The following SLCO1B1 variants were observed in gnomAD, a reference collection of about 807,000 sequenced individuals.
The protein encoded by SLCO1B1 is OATP-2.
In SLCO1B1, 81 loss-of-function variants were observed where a neutral mutation model predicts 70.1. The observed-to-expected ratio is 1.16, with a 90% CI of 0.97 to 1.39. The LOEUF is 1.39. Ranked by LOEUF, SLCO1B1 falls within the 40% of genes most tolerant of loss-of-function variation. The probability of loss-of-function intolerance (pLI) is 0.00; values close to 1 mark genes in which losing one functional copy is unlikely to be tolerated. For missense variants in SLCO1B1, 895 were observed against 799.6 expected, an observed-to-expected ratio of 1.12 and a Z score of -1.44; for synonymous variants, 283 against 271.5, an observed-to-expected ratio of 1.04 and a Z score of -0.42.
chr12:21,217,714 C>G (rs1030901104), intron 12 of SLCO1B1, among the ~76,000 whole-genome samples: 2 of 152,086 alleles, frequency 1.3e-5, no homozygotes, highest in Non-Finnish European at 2.9e-5. Flanking sequence ...ATAAAATATG[C>G]TCCATTTGAT....
At chr12:21,168,449 T>C (rs1940717791) in intron 2 of SLCO1B1, among the ~76,000 whole-genome samples, 1 of 152,222 alleles carries the variant, frequency 6.6e-6, no homozygotes, top group South Asian at 2.1e-4. Flanking sequence ...ATGGTGATTC[T>C]ATTGTTTAGT....
intron 7 of SLCO1B1, among the ~76,000 whole-genome samples, chr12:21,186,562 C>A (rs903170162): frequency 6.6e-6 from 1 of 151,860 alleles, no homozygotes; most frequent in African/African-American, 2.4e-5. Flanking sequence ...AAAGTCACGA[C>A]ATTACAAGAA....
intron 5 of SLCO1B1, among the ~76,000 whole-genome samples, chr12:21,178,080 A>G (rs1000650096): frequency 2.0e-5 from 3 of 152,172 alleles, no homozygotes; most frequent in South Asian, 4.1e-4. Context: ...ATATGGCTTG[A>G]CTGTGTCCCC....
intron 14 of SLCO1B1, among the ~76,000 whole-genome samples, chr12:21,231,644 C>G (rs1466160175): frequency 2.6e-5 from 4 of 151,814 alleles, no homozygotes; most frequent in Non-Finnish European, 4.4e-5. Flanking sequence ...TAGATATATA[C>G]ACACACAGAC....
intron 10 of SLCO1B1, among the ~76,000 whole-genome samples, chr12:21,203,765 A>T (rs1941183385): frequency 6.6e-6 from 1 of 152,012 alleles, no homozygotes; most frequent in African/African-American, 2.4e-5. Flanking sequence ...CTTAGAGATG[A>T]TGCAATCCAA....
At chr12:21,133,154 A>T (rs1382773746) in intron 1 of SLCO1B1, among the ~76,000 whole-genome samples, 3 of 152,030 alleles carry the variant, frequency 2.0e-5, no homozygotes, top group Non-Finnish European at 2.9e-5. Context: ...GATATGCGGC[A>T]CTATTTCTGA....
chr12:21,132,801 T>C (rs1242295246), intron 1 of SLCO1B1, among the ~76,000 whole-genome samples: 2 of 152,222 alleles, frequency 1.3e-5, no homozygotes, highest in Admixed American at 6.5e-5. Context: ...ACTCTGATGG[T>C]AGTTTCTTTT....
At chr12:21,222,076 G>C (rs1941428652) in intron 12 of SLCO1B1, among the ~76,000 whole-genome samples, 1 of 151,662 alleles carries the variant, frequency 6.6e-6, no homozygotes, top group Admixed American at 6.6e-5. Flanking sequence ...AATATTTTAA[G>C]CCATCTTGAA....
intron 7 of SLCO1B1, among the ~76,000 whole-genome samples, chr12:21,183,202 G>A (rs2417964): frequency 0.99 from 151,152 of 152,328 alleles, 74,999 homozygotes; most frequent in East Asian, 1. Context: ...TAAAACATCT[G>A]CCTATATATT....
In SLCO1B1 at chr12:21,181,025, A is replaced by G. The variant is rs559936698; in HGVS notation, c.727+2005A>G. On this transcript the variant is annotated intron_variant, in intron 7 of 14. Coordinates refer to ENST00000256958, the MANE Select transcript of SLCO1B1 (RefSeq NM_006446.5). ...GCTGAAGACATAAAAATAAATGAGT[A>G]AAGAGTGCCAGGAACAGGAATTTAG... Among the ~76,000 whole-genome samples the G allele has an allele frequency of 3.9e-5, 6 of 152,334 alleles. No individual in the cohort carries two copies. In the East Asian group the frequency reaches 7.7e-4, roughly 20 times the overall value.
Position 21,173,294 on chromosome 12 carries a change from A to G in SLCO1B1, c.226+503A>G, listed in dbSNP as rs1425234621. On this transcript the variant is annotated intron_variant, in intron 3 of 14. Transcript: ENST00000256958. ...CATTTTATGTTGGATTTCTCCAATA[A>G]CAGCTCAGGGAAAACATTTTCTGGT... Among the ~76,000 whole-genome samples the G allele has an allele frequency of 3.9e-5, 6 of 152,300 alleles. No individual in the cohort carries two copies. In the South Asian group the frequency reaches 1.2e-3, roughly 32 times the overall value.
At chr12:21,134,042 AG>A (rs769384566) in intron 1 of SLCO1B1, among the ~76,000 whole-genome samples, 8 of 152,156 alleles carry the variant, frequency 5.3e-5, no homozygotes, top group East Asian at 1.9e-4. Flanking sequence ...TTTAGCATGA[AG>A]GGTTGTTGAA....
intron 2 of SLCO1B1, among the ~76,000 whole-genome samples, chr12:21,147,517 G>A (rs1470772350): frequency 6.6e-6 from 1 of 152,130 alleles, no homozygotes; most frequent in Non-Finnish European, 1.5e-5. Flanking sequence ...CCACTTATGA[G>A]TGGGAACATG....
chr12:21,160,431 A>G (rs1380190548), intron 2 of SLCO1B1, among the ~76,000 whole-genome samples: 1 of 152,050 alleles, frequency 6.6e-6, no homozygotes, highest in Non-Finnish European at 1.5e-5. Context: ...CATACACAGA[A>G]AATTGAAATT....
At position 21,239,079 on chromosome 12, in the gene SLCO1B1, AT is replaced by A; in HGVS notation, c.1967del (p.Ile656ThrfsTer15). On this transcript the variant is annotated frameshift_variant, in exon 15 of 15. Transcript: ENST00000256958. LOFTEE classifies it low-confidence loss of function (END_TRUNC). ...GAAGAAAAAATATCAAGAGAAAGATATCAATGCATCAGAAAATGGAAGTGTC... is the reference window on the plus strand; with the variant it reads ...GAAGAAAAAATATCAAGAGAAAGATACAATGCATCAGAAAATGGAAGTGTC... ...AMKKKYQEKDINASENGSVMD... is the reference protein window; with the variant it reads ...AMKKKYQEKDXNASENGSVMD... 6.3e-7 allele frequency: 1 copy of A among 1,598,104 alleles called. No individual in the cohort carries two copies.
intron 2 of SLCO1B1, among the ~76,000 whole-genome samples, chr12:21,162,617 AGGGTTT>A (rs1460339136): frequency 6.6e-6 from 1 of 152,202 alleles, no homozygotes; most frequent in Non-Finnish European, 1.5e-5. Context: ...AGACGTAATA[AGGGTTT>A]GGCTCAAGAT....
chr12:21,152,533 CTTTT>C (rs71043250), intron 2 of SLCO1B1, among the ~76,000 whole-genome samples: 1 of 34,356 alleles, frequency 2.9e-5, no homozygotes, highest in African/African-American at 1.0e-4. Context: ...AGAGGAGAGG[CTTTT>C]TTTTTTTTTT....
chr12:21,181,368 C>A (rs1441922948), intron 7 of SLCO1B1, among the ~76,000 whole-genome samples: 1 of 152,176 alleles, frequency 6.6e-6, no homozygotes, highest in African/African-American at 2.4e-5. Context: ...ACATTTGTCA[C>A]AGGTGATGAA....
At chr12:21,152,660 T>A (rs1461025054) in intron 2 of SLCO1B1, among the ~76,000 whole-genome samples, 1 of 151,698 alleles carries the variant, frequency 6.6e-6, no homozygotes, top group Non-Finnish European at 1.5e-5. Context: ...TTCTGTCACA[T>A]GGAAGACTAG....
Sources: allele counts gnomAD v4.1 joint callset (sites outside exome capture counted in the v4.1 genomes callset), GRCh38; gene constraint gnomAD v4.1.1; transcripts MANE v1.5; gene names NCBI Gene and HGNC (gene_info 2026-07-23, HGNC 2026-07-21).